Variants in SLC9A5 observed in about 807,000 individuals in gnomAD.
The protein encoded by SLC9A5 is sodium/hydrogen exchanger 5.
In SLC9A5, 52 loss-of-function variants were observed where a neutral mutation model predicts 91.7. That is an observed-to-expected ratio of 0.57 (90% CI 0.45 to 0.71). The LOEUF is 0.71. Ranked by LOEUF, SLC9A5 falls within the 30% of genes least tolerant of loss-of-function variation. SLC9A5 has a pLI of 0.00. For missense variants in SLC9A5, 871 were observed against 1,158.9 expected, an observed-to-expected ratio of 0.75 and a Z score of 3.61; for synonymous variants, 419 against 474.5, an observed-to-expected ratio of 0.88 and a Z score of 1.52.
Position 67,256,689 on chromosome 16 carries a change from G to T in SLC9A5, c.1132G>T (p.Gly378Cys). The change falls in exon 6 of 16, where the codon GGC (glycine) becomes TGC (cysteine). Residue 378 changes from glycine (G) to cysteine (C), a missense_variant and splice_region_variant. Gly to Cys is a radical substitution (Grantham distance 159). Transcript: ENST00000299798. The surrounding 1 kb of genome is among the most constrained non-coding windows in gnomAD (Gnocchi z 4.1). ...LIFILFFRAL[G>C]VVLQTWVLNQ... ...CTTCATCCTGTTCTTCCGAGCCCTCGGTATTGCTGGCACCCTCTGCTTTCC... is the reference window on the plus strand; with the variant it reads ...CTTCATCCTGTTCTTCCGAGCCCTCTGTATTGCTGGCACCCTCTGCTTTCC... 6.2e-7 allele frequency: 1 copy of T among 1,609,010 alleles called. No homozygotes were observed. The highest frequency in any genetic ancestry group is 8.5e-7 in the Non-Finnish European group (1 of 1,177,238).
At chr16:67,266,359 CT>C in intron 15 of SLC9A5, 134 bp downstream of exon 15, 1 of 877,618 alleles carries the variant, frequency 1.1e-6, no homozygotes, top group Non-Finnish European at 1.7e-6. Flanking sequence ...TGCAGAGCCT[CT>C]TCTTCATACC....
In SLC9A5 at chr16:67,270,789, G is replaced by T. The variant is rs754323324; in HGVS notation, c.2270G>T (p.Cys757Phe). The T allele has an allele frequency of 6.2e-7, 1 of 1,613,956 alleles. No homozygotes were observed. Among genetic ancestry groups the T allele is most frequent in the Non-Finnish European group, 8.5e-7 (1 of 1,179,924 alleles). The change falls in exon 16 of 16, where the codon TGT becomes TTT. Residue 757 changes from cysteine (C) to phenylalanine (F), a missense_variant. Transcript: ENST00000299798. The surrounding 1 kb of genome is among the most constrained non-coding windows in gnomAD (Gnocchi z 4.3). The stretch of plus-strand genomic sequence containing the variant: ...CGAATCATTCCCCCCTCCCCAACCT[G>T]TGCAGAAAAGGAGCTCCCCTGGAAG... The part of the protein sequence containing the change: ...SPRIIPPSPT[C>F]AEKELPWKSG...
chr16:67,259,820 G>A lies in SLC9A5; in HGVS notation c.1716G>A (p.Leu572=), dbSNP rs761753879. Residue 572 remains leucine, a splice_region_variant and synonymous_variant, in exon 12 of 16, where the codon CTG becomes CTA. Transcript: ENST00000299798. Reference sequence around the variant, plus strand: ...CACATGTGTCCCCTGCCTCCTGCAGGAGGGAGAGTGGCAGTGGAGCGTGTC... The same window carrying A: ...CACATGTGTCCCCTGCCTCCTGCAGAAGGGAGAGTGGCAGTGGAGCGTGTC... ...SVAETSVTNL[L]RESGSGACLD... 1 of 1,614,132 alleles carries A rather than the reference G, an allele frequency of 6.2e-7. No homozygotes were observed. The highest frequency in any genetic ancestry group is 1.7e-5 in the Admixed American group (1 of 60,020).
chr16:67,267,501 G>T (rs967047458), intron 15 of SLC9A5, among the ~76,000 whole-genome samples: 1 of 152,118 alleles, frequency 6.6e-6, no homozygotes, highest in Admixed American at 6.5e-5. Flanking sequence ...GGGATTGCAG[G>T]TGTCAGCCAC....
intron 12 of SLC9A5, chr16:67,262,604 C>T (rs1203131509): frequency 3.5e-6 from 1 of 284,438 alleles, no homozygotes; most frequent in Admixed American, 4.3e-5. Context: ...TCAAATGCAG[C>T]TGGTCTGATG....
chr16:67,249,265 C>A, intron 1 of SLC9A5, 64 bp downstream of exon 1: 1 of 1,244,022 alleles, frequency 8.0e-7, no homozygotes, highest in Non-Finnish European at 1.0e-6. Flanking sequence ...AACACCCCCA[C>A]CTCCTCGGTC....
intron 14 of SLC9A5, 179 bp downstream of exon 14, chr16:67,265,285 T>C: frequency 1.6e-6 from 1 of 614,910 alleles, no homozygotes; most frequent in Non-Finnish European, 2.9e-6. Context: ...AGACAATGCG[T>C]GACAGGAGGC....
intron 12 of SLC9A5, 136 bp downstream of exon 12, chr16:67,260,082 C>A: frequency 8.1e-7 from 1 of 1,235,832 alleles, no homozygotes; most frequent in Non-Finnish European, 1.1e-6. Context: ...GGTGCGATGG[C>A]TCATGCCTGT....
chr16:67,257,749 T>A lies in SLC9A5; in HGVS notation c.1496+148T>A, dbSNP rs2035372917. 4 of 807,534 alleles carry A rather than the reference T, an allele frequency of 5.0e-6. No individual in the cohort carries two copies. Among genetic ancestry groups the A allele is most frequent in the Non-Finnish European group, 8.0e-6 (4 of 498,410 alleles). 50.0% of individuals were successfully genotyped at this position (807,534 alleles called of 1,614,324 possible). A position where few individuals can be genotyped will look rare whatever the true frequency, so the allele number is the denominator to read the frequency against. On this transcript the variant is annotated intron_variant, in intron 9 of 15. Coordinates refer to ENST00000299798, the MANE Select transcript of SLC9A5 (RefSeq NM_004594.3). This position sits in a 1 kb window ranked among gnomAD's most constrained non-coding sequence, Gnocchi z 5.1. Reference sequence around the variant, plus strand: ...AAGCCCTTCAGTGGCATCCCAGTGCTCTCAGGTTAAGACAAGGCTCCCCAG... The same window carrying A: ...AAGCCCTTCAGTGGCATCCCAGTGCACTCAGGTTAAGACAAGGCTCCCCAG...
chr16:67,255,100 A>T lies in SLC9A5; in HGVS notation c.570A>T (p.Leu190=). 1.3e-5 allele frequency: 21 copies of T among 1,614,012 alleles called. No homozygotes were observed. The highest frequency in any genetic ancestry group is 1.8e-5 in the Non-Finnish European group (21 of 1,179,962). The change falls in exon 3 of 16, where the codon CTA becomes CTT. Residue 190 remains leucine (L), a synonymous_variant. Coordinates refer to ENST00000299798, the MANE Select transcript of SLC9A5 (RefSeq NM_004594.3). This position sits in a 1 kb window ranked among gnomAD's most constrained non-coding sequence, Gnocchi z 4.9. ...LISAVDPVAV[L]AVFEEVHVNE... ...CGGCGGTGGACCCCGTGGCCGTGCT[A>T]GCTGTCTTTGAGGAGGTGCACGTCA...
In SLC9A5 at chr16:67,259,272, A is replaced by G. The variant is rs958925243; in HGVS notation, c.1627-301A>G. Reference sequence around the variant, plus strand: ...ACAGAGCAAGACTGTGTCTCAAAAAAAAAAAAAAAAAAATCCGGGAACCAG... The same window carrying G: ...ACAGAGCAAGACTGTGTCTCAAAAAGAAAAAAAAAAAAATCCGGGAACCAG... On this transcript the variant is annotated intron_variant, in intron 10 of 15. Transcript: ENST00000299798. 3.5e-4 allele frequency among the ~76,000 whole-genome samples: 53 copies of G among 150,594 alleles called. 1 individual carries two copies. Among genetic ancestry groups the G allele is most frequent in the Admixed American group, 1.3e-4 (2 of 15,112 alleles).
At chr16:67,265,443 G>C (rs2142379445) in intron 14 of SLC9A5, among the ~76,000 whole-genome samples, 1 of 152,184 alleles carries the variant, frequency 6.6e-6, no homozygotes, top group African/African-American at 2.4e-5. Context: ...GTTTTTTTGA[G>C]ACAGAGTCTC....
chr16:67,252,850 T>G lies in SLC9A5; in HGVS notation c.490+6T>G. 1.9e-6 allele frequency: 3 copies of G among 1,609,396 alleles called. No individual in the cohort carries two copies. Among genetic ancestry groups the G allele is most frequent in the Non-Finnish European group, 2.5e-6 (3 of 1,179,034 alleles). Reference sequence around the variant, plus strand: ...GCAGCAGGCTGGACTTGTAGGTGAGTGACCCTAAGACCTGGGCTTTGCCAG... The same window carrying G: ...GCAGCAGGCTGGACTTGTAGGTGAGGGACCCTAAGACCTGGGCTTTGCCAG... On this transcript the variant is annotated splice_donor_region_variant and intron_variant, in intron 2 of 15. Transcript: ENST00000299798. The surrounding 1 kb of genome is among the most constrained non-coding windows in gnomAD (Gnocchi z 4.0).
At chr16:67,260,798 G>A (rs147842486) in intron 12 of SLC9A5, among the ~76,000 whole-genome samples, 22 of 152,338 alleles carry the variant, frequency 1.4e-4, no homozygotes, top group Admixed American at 7.8e-4. Context: ...GAAGCTTTGC[G>A]TCTGGAAAGG....
In SLC9A5 at chr16:67,255,004, C is replaced by T; in HGVS notation, c.491-17C>T. ...CGTCTTCAATGACTGGCCTGTCCTA[C>T]ACATGTCCCTTAATAGCCCCTAGGG... On this transcript the variant is annotated splice_polypyrimidine_tract_variant and intron_variant, in intron 2 of 15. Transcript: ENST00000299798. The surrounding 1 kb of genome is among the most constrained non-coding windows in gnomAD (Gnocchi z 4.9). The T allele has an allele frequency of 1.2e-6, 2 of 1,611,626 alleles. No individual in the cohort carries two copies. Among genetic ancestry groups the T allele is most frequent in the East Asian group, 2.2e-5 (1 of 44,836 alleles).
chr16:67,257,282 G>C lies in SLC9A5; in HGVS notation c.1336-63G>C, dbSNP rs2035354852. The C allele has an allele frequency of 1.4e-5, 21 of 1,478,216 alleles. No individual in the cohort carries two copies. In the South Asian group the frequency reaches 2.3e-4, roughly 16 times the overall value. 91.6% of individuals were successfully genotyped at this position (1,478,216 alleles called of 1,614,324 possible). ...ACTGAAGCTGAAGCCTCATTACGGG[G>C]AGAGAAAGGCAGCAGGGAACTGAAT... On this transcript the variant is annotated intron_variant, in intron 7 of 15. Coordinates refer to ENST00000299798, the MANE Select transcript of SLC9A5 (RefSeq NM_004594.3). The surrounding 1 kb of genome is among the most constrained non-coding windows in gnomAD (Gnocchi z 5.1).
In SLC9A5 at chr16:67,271,564, A is replaced by G. The variant is rs559156316; in HGVS notation, c.*354A>G. The G allele has an allele frequency of 4.1e-4, 115 of 277,296 alleles. No homozygotes were observed. Among genetic ancestry groups the G allele is most frequent in the Admixed American group, 1.0e-3 (23 of 21,952 alleles). 17.2% of individuals were successfully genotyped at this position (277,296 alleles called of 1,614,324 possible). Reference sequence around the variant, plus strand: ...GGCAGCTGCTCCTGCCCGCAAAGCAAGAGCATCATTCCTATTCTTCAGTGG... The same window carrying G: ...GGCAGCTGCTCCTGCCCGCAAAGCAGGAGCATCATTCCTATTCTTCAGTGG... On this transcript the variant is annotated 3_prime_UTR_variant, in exon 16 of 16. Coordinates refer to ENST00000299798, the MANE Select transcript of SLC9A5 (RefSeq NM_004594.3).
At chr16:67,264,271 A>G in intron 12 of SLC9A5, 81 bp from the exon 13 acceptor site, 1 of 1,266,180 alleles carries the variant, frequency 7.9e-7, no homozygotes, top group Admixed American at 2.0e-5. Context: ...CCTGTGGTGA[A>G]TATGTTGGGG....
intron 2 of SLC9A5, 27 bp from the exon 3 acceptor site, chr16:67,254,994 G>T (rs775822981): frequency 6.3e-7 from 1 of 1,598,800 alleles, no homozygotes; most frequent in South Asian, 1.1e-5. Context: ...TCAATGACTG[G>T]CCTGTCCTAC....
Sources: allele counts gnomAD v4.1 joint callset (sites outside exome capture counted in the v4.1 genomes callset), GRCh38; gene constraint gnomAD v4.1.1; non-coding constraint Gnocchi (gnomAD v3.1); transcripts MANE v1.5; gene names NCBI Gene and HGNC (gene_info 2026-07-23, HGNC 2026-07-21).